Variants in PLPPR1 observed in about 807,000 individuals in gnomAD.
PLPPR1 encodes the protein phospholipid phosphatase-related protein type 1.
In PLPPR1, 10 loss-of-function variants were observed where a neutral mutation model predicts 33.1. The observed-to-expected ratio is 0.30, with a 90% CI of 0.19 to 0.51. The LOEUF is 0.51. PLPPR1 is among the 20% of genes least tolerant of loss of function. The pLI is 0.97. For missense variants in PLPPR1, 304 were observed against 408.1 expected, an observed-to-expected ratio of 0.74 and a Z score of 2.20; for synonymous variants, 151 against 151.0, an observed-to-expected ratio of 1.00 and a Z score of 0.00.
Position 101,286,128 on chromosome 9 carries a change from T to C in PLPPR1, c.277T>C (p.Tyr93His). Residue 93 changes from tyrosine (Y) to histidine (H), a missense_variant, in exon 4 of 8, where the codon TAT (tyrosine) becomes CAT (histidine). Physicochemically the swap from Tyr to His is moderately conservative, Grantham distance 83. Transcript: ENST00000374874. ...AIIFIGEISM[Y>H]FIKSTRESLI... Reference sequence around the variant, plus strand: ...GATTTTTATTGGTGAGATATCCATGTATTTCATAAAATCAACAAGAGAATC... The same window carrying C: ...GATTTTTATTGGTGAGATATCCATGCATTTCATAAAATCAACAAGAGAATC... 4.3e-6 allele frequency: 7 copies of C among 1,612,784 alleles called. No homozygotes were observed. Among genetic ancestry groups the C allele is most frequent in the Non-Finnish European group, 5.9e-6 (7 of 1,178,862 alleles).
At chr9:101,201,118 C>G (rs1481967883) in intron 2 of PLPPR1, among the ~76,000 whole-genome samples, 1 of 152,196 alleles carries the variant, frequency 6.6e-6, no homozygotes, top group East Asian at 1.9e-4. Flanking sequence ...GGGACAAACA[C>G]CATGTCCTCA....
intron 1 of PLPPR1, among the ~76,000 whole-genome samples, chr9:101,150,125 T>A (rs1263960972): frequency 1.3e-5 from 2 of 152,152 alleles, no homozygotes; most frequent in Non-Finnish European, 2.9e-5. Flanking sequence ...TCTGCCAACT[T>A]ACTCTTTTTA....
At chr9:101,140,971 G>A (rs926376447) in intron 1 of PLPPR1, among the ~76,000 whole-genome samples, 5 of 152,268 alleles carry the variant, frequency 3.3e-5, no homozygotes, top group African/African-American at 9.6e-5. Flanking sequence ...TCTGCTTAGA[G>A]GTCTCATGAT....
chr9:101,113,527 G>C (rs1024900171), intron 1 of PLPPR1, among the ~76,000 whole-genome samples: 12 of 151,672 alleles, frequency 7.9e-5, no homozygotes, highest in African/African-American at 2.9e-4. Context: ...TGTACCCAGG[G>C]CACTACAATT....
intron 3 of PLPPR1, among the ~76,000 whole-genome samples, chr9:101,271,301 C>T (rs767221348): frequency 5.9e-5 from 9 of 152,170 alleles, no homozygotes; most frequent in African/African-American, 1.2e-4. Flanking sequence ...TTACCTCATG[C>T]GTTGCTGTGG....
intron 2 of PLPPR1, among the ~76,000 whole-genome samples, chr9:101,228,825 G>C (rs1004231784): frequency 6.6e-6 from 1 of 152,084 alleles, no homozygotes; most frequent in African/African-American, 2.4e-5. Context: ...CCGAATTTTT[G>C]GGAGAGTAGA....
At chr9:101,053,806 A>G (rs766890022) in intron 1 of PLPPR1, among the ~76,000 whole-genome samples, 24 of 152,214 alleles carry the variant, frequency 1.6e-4, no homozygotes, top group Non-Finnish European at 3.1e-4. Context: ...GAGGCTGAGA[A>G]GACAAGCCTT....
At chr9:101,238,787 T>C (rs1827387605) in intron 2 of PLPPR1, among the ~76,000 whole-genome samples, 1 of 151,842 alleles carries the variant, frequency 6.6e-6, no homozygotes, top group African/African-American at 2.4e-5. Context: ...TACATAAAAA[T>C]AAATTAAGAT....
At chr9:101,232,913 T>A (rs1162724340) in intron 2 of PLPPR1, among the ~76,000 whole-genome samples, 1 of 152,032 alleles carries the variant, frequency 6.6e-6, no homozygotes, top group Admixed American at 6.6e-5. Context: ...ATTAACTTTC[T>A]TTTGGCTTAT....
chr9:101,308,920 A>G, intron 4 of PLPPR1, among the ~76,000 whole-genome samples: 1 of 152,216 alleles, frequency 6.6e-6, no homozygotes, highest in Admixed American at 6.5e-5. Flanking sequence ...ACTCTGAATG[A>G]GTCACCACTG....
chr9:101,111,511 G>T (rs559731627), intron 1 of PLPPR1, among the ~76,000 whole-genome samples: 2 of 152,240 alleles, frequency 1.3e-5, no homozygotes, highest in South Asian at 2.1e-4. Context: ...ATATTTGGGG[G>T]ATAGTATTTT....
At chr9:101,060,862 T>TG (rs1443229045) in intron 1 of PLPPR1, among the ~76,000 whole-genome samples, 1 of 151,960 alleles carries the variant, frequency 6.6e-6, no homozygotes, top group African/African-American at 2.4e-5. Flanking sequence ...CTTTATAAAG[T>TG]ACAAAAATGT....
At chr9:101,084,832 G>A (rs571829790) in intron 1 of PLPPR1, among the ~76,000 whole-genome samples, 12 of 152,144 alleles carry the variant, frequency 7.9e-5, no homozygotes, top group South Asian at 2.1e-4. Context: ...GTGTGACATC[G>A]ATGAATATGA....
intron 2 of PLPPR1, among the ~76,000 whole-genome samples, chr9:101,240,411 TG>T (rs1431827801): frequency 4.6e-5 from 7 of 152,052 alleles, no homozygotes; most frequent in African/African-American, 1.7e-4. Context: ...ATTTTAGAAT[TG>T]TTTTTTTCTC....
intron 4 of PLPPR1, among the ~76,000 whole-genome samples, chr9:101,299,658 G>C (rs1454988504): frequency 6.6e-6 from 1 of 152,118 alleles, no homozygotes; most frequent in African/African-American, 2.4e-5. Context: ...GTGTTGAGAG[G>C]CTGGACTCCA....
intron 1 of PLPPR1, among the ~76,000 whole-genome samples, chr9:101,119,361 G>T (rs765684683): frequency 6.6e-6 from 1 of 152,208 alleles, no homozygotes; most frequent in Non-Finnish European, 1.5e-5. Context: ...ATTTCACACC[G>T]TGCTGCCTGG....
intron 6 of PLPPR1, among the ~76,000 whole-genome samples, chr9:101,313,543 G>A (rs7868832): frequency 0.34 from 52,369 of 151,922 alleles, 10,217 homozygotes; most frequent in African/African-American, 0.53. Flanking sequence ...TCTTACTTCC[G>A]CTAAACTGGC....
intron 6 of PLPPR1, among the ~76,000 whole-genome samples, chr9:101,313,889 G>A (rs544820579): frequency 6.6e-6 from 1 of 151,968 alleles, no homozygotes; most frequent in South Asian, 2.1e-4. Context: ...CCTTTTCTAC[G>A]ATTTCATATT....
At chr9:101,120,262 G>A (rs1006033524) in intron 1 of PLPPR1, among the ~76,000 whole-genome samples, 8 of 152,018 alleles carry the variant, frequency 5.3e-5, no homozygotes, top group South Asian at 2.1e-4. Flanking sequence ...AATGGAATCC[G>A]TTGTTGTGAG....
Sources: gnomAD v4.1 joint callset for allele counts (sites outside exome capture counted in the v4.1 genomes callset) on GRCh38, gnomAD v4.1.1 for gene constraint, MANE v1.5 for transcripts, NCBI Gene and HGNC (gene_info 2026-07-23, HGNC 2026-07-21) for gene names.